The following CELF3 variants were observed in gnomAD, a reference collection of about 807,000 sequenced individuals.
The protein encoded by CELF3 is CAG repeat domain.
In CELF3, 26 loss-of-function variants were observed where a neutral mutation model predicts 59.6. The observed-to-expected ratio is 0.44, with a 90% CI of 0.32 to 0.61. The LOEUF is 0.61. Among genes scored for constraint, CELF3 ranks in the 20% least tolerant of loss-of-function variants. The pLI is 0.06. For synonymous variants in CELF3, 245 were observed against 250.7 expected (o/e 0.98, Z 0.22); for missense variants, 387 against 627.2 (o/e 0.62, Z 4.09).
In CELF3 at chr1:151,709,826, C is replaced by T; in HGVS notation, c.229-35G>A. ...AGAAGAGAAGGCAGCTGCTGGGGAC[C>T]TCCTCTGAACACCCAAGAGCCCTCC... On this transcript the variant is annotated intron_variant, in intron 2 of 12. Transcript: ENST00000290583. The surrounding 1 kb of genome is among the most constrained non-coding windows in gnomAD (Gnocchi z 4.9). The T allele has an allele frequency of 1.2e-6, 2 of 1,608,096 alleles. No individual in the cohort carries two copies. Among genetic ancestry groups the T allele is most frequent in the Non-Finnish European group, 1.7e-6 (2 of 1,174,448 alleles).
intron 12 of CELF3, among the ~76,000 whole-genome samples, chr1:151,704,828 A>T (rs1672378283): frequency 1.3e-5 from 2 of 152,008 alleles, no homozygotes; most frequent in South Asian, 4.2e-4. Flanking sequence ...TGTGAGAGAG[A>T]GAGAGAGAGA....
At chr1:151,711,674 T>C (rs1360050852) in intron 2 of CELF3, among the ~76,000 whole-genome samples, 1 of 152,200 alleles carries the variant, frequency 6.6e-6, no homozygotes, top group Admixed American at 6.5e-5. Flanking sequence ...TTCTCTCCTG[T>C]GCTCTAGCCA....
chr1:151,701,203 G>A lies in CELF3; in HGVS notation c.*2256C>T. 1 of 152,200 alleles carries A rather than the reference G, an allele frequency of 6.6e-6. No individual in the cohort carries two copies. The highest frequency in any genetic ancestry group is 1.9e-4 in the East Asian group (1 of 5,194). 9.4% of individuals were successfully genotyped at this position (152,200 alleles called of 1,614,324 possible). A position where few individuals can be genotyped will look rare whatever the true frequency, so the allele number is the denominator to read the frequency against. On this transcript the variant is annotated 3_prime_UTR_variant, in exon 13 of 13. Coordinates refer to ENST00000290583, the MANE Select transcript of CELF3 (RefSeq NM_007185.7). ...AGGGCTTTGCAGTTGGATTGGGGAG[G>A]AGACATGAGAGAAAGGGTGTAATCC...
chr1:151,707,588 T>A lies in CELF3; in HGVS notation c.691A>T (p.Thr231Ser), dbSNP rs1213464893. 5.6e-6 allele frequency: 9 copies of A among 1,608,988 alleles called. No homozygotes were observed. Among genetic ancestry groups the A allele is most frequent in the Non-Finnish European group, 7.6e-6 (9 of 1,178,762 alleles). The change falls in exon 7 of 13, where the codon ACC becomes TCC. Residue 231 changes from threonine (T) to serine (S), a missense_variant. By Grantham distance (58) the Thr-to-Ser change is moderately conservative (BLOSUM62 1). Around this residue, in one of 3 missense-constraint regions of CELF3, gnomAD observed 208 missense variants for 354.8 expected, o/e 0.59. Coordinates refer to ENST00000290583, the MANE Select transcript of CELF3 (RefSeq NM_007185.7). The part of the protein sequence containing the change: ...AHSAYLSPMA[T>S]MAAVQMQHMA... The stretch of plus-strand genomic sequence containing the variant: ...TGCTGCATCTGCACGGCAGCCATGG[T>A]GGCCATGGGGCTGAGGTAGGCACTG...
Position 151,716,474 on chromosome 1 carries a change from A to C in CELF3, c.-454T>G. On this transcript the variant is annotated 5_prime_UTR_variant, in exon 1 of 13. Coordinates refer to ENST00000290583, the MANE Select transcript of CELF3 (RefSeq NM_007185.7). ...TAAGGGGCCTGCTATGGTTGCCAGC[A>C]GCGTCAGTAAGGGGGGCCCACTCCT... 1 of 307,336 alleles carries C rather than the reference A, an allele frequency of 3.3e-6. No homozygotes were observed. Among genetic ancestry groups the C allele is most frequent in the Non-Finnish European group, 6.5e-6 (1 of 154,324 alleles). 19.0% of individuals were successfully genotyped at this position (307,336 alleles called of 1,614,324 possible). A position where few individuals can be genotyped will look rare whatever the true frequency, so the allele number is the denominator to read the frequency against.
In CELF3 at chr1:151,709,329, C is replaced by T. The variant is rs1454741907; in HGVS notation, c.297G>A (p.Val99=). ...ESRGEDRKLF[V]GMLGKQQTDE... is the part of the protein sequence containing the mutation. ...CTGTCTGCTGCTTCCCTAGCATCCC[C>T]ACAAAGAGCTTCCGGTCTTCTGGGT... The change falls in exon 4 of 13, where the codon GTG becomes GTA. Residue 99 remains valine (V), a synonymous_variant. Transcript: ENST00000290583. The surrounding 1 kb of genome is among the most constrained non-coding windows in gnomAD (Gnocchi z 4.9). The T allele has an allele frequency of 1.2e-6, 2 of 1,614,090 alleles. No individual in the cohort carries two copies. The highest frequency in any genetic ancestry group is 2.2e-5 in the South Asian group (2 of 91,080).
intron 10 of CELF3, 37 bp downstream of exon 10, chr1:151,706,187 C>T (rs754602332): frequency 9.9e-6 from 16 of 1,611,364 alleles, no homozygotes; most frequent in Admixed American, 5.0e-5. Context: ...AAGCCCATAA[C>T]GAGGGCATTC....
chr1:151,709,902 G>C lies in CELF3; in HGVS notation c.229-111C>G. ...GAGGGGCAAGCCCCAGGCCCTCTAA[G>C]TTTCTGATGGGAAGGAAGGGACAGG... is the stretch of plus-strand genomic sequence containing the variant. On this transcript the variant is annotated intron_variant, in intron 2 of 12. Coordinates refer to ENST00000290583, the MANE Select transcript of CELF3 (RefSeq NM_007185.7). The surrounding 1 kb of genome is among the most constrained non-coding windows in gnomAD (Gnocchi z 4.9). 1 of 995,938 alleles carries C rather than the reference G, an allele frequency of 1.0e-6. No individual in the cohort carries two copies. Among genetic ancestry groups the C allele is most frequent in the African/African-American group, 1.6e-5 (1 of 63,000 alleles). The allele number at this position is 995,938 out of a possible 1,614,324, so 61.7% of individuals were successfully genotyped here.
chr1:151,706,033 C>T lies in CELF3; in HGVS notation c.1127-68G>A. 4 of 1,600,486 alleles carry T rather than the reference C, an allele frequency of 2.5e-6. No homozygotes were observed. In the South Asian group the frequency reaches 4.5e-5, roughly 18 times the overall value. ...AGGCACACACCCCAGAAGCAAATGTCCCAGGGAAAGCAGATCCTGGGAGTG... is the reference window on the plus strand; with the variant it reads ...AGGCACACACCCCAGAAGCAAATGTTCCAGGGAAAGCAGATCCTGGGAGTG... On this transcript the variant is annotated intron_variant, in intron 10 of 12. Transcript: ENST00000290583.
intron 8 of CELF3, 50 bp downstream of exon 8, chr1:151,707,095 T>C: frequency 7.0e-7 from 1 of 1,426,298 alleles, no homozygotes; most frequent in African/African-American, 1.5e-5. Flanking sequence ...CTAATGGGAG[T>C]GGTGGTTTAG....
chr1:151,707,671 T>G, intron 6 of CELF3, 23 bp from the exon 7 acceptor site: 1 of 1,598,202 alleles, frequency 6.3e-7, no homozygotes, highest in Non-Finnish European at 8.5e-7. Context: ...GAGAGGAGAG[T>G]GGGGCAGGCC....
Position 151,707,162 on chromosome 1 carries a change from C to A in CELF3, c.905G>T (p.Gly302Val). The A allele has an allele frequency of 6.6e-7, 1 of 1,516,546 alleles. No individual in the cohort carries two copies. The allele number at this position is 1,516,546 out of a possible 1,614,324, so 93.9% of individuals were successfully genotyped here. ...QPAPDALYPN[G>V]VHPYPAQSPA... ...AGTCCCACCTGGGTAGGGGTGAACCCCGTTGGGATACAGAGCATCAGGGGC... is the reference window on the plus strand; with the variant it reads ...AGTCCCACCTGGGTAGGGGTGAACCACGTTGGGATACAGAGCATCAGGGGC... The change falls in exon 8 of 13, where the codon GGG (glycine) becomes GTG (valine). Residue 302 changes from glycine (G) to valine (V), a missense_variant. By Grantham distance (109) the Gly-to-Val change is moderately radical (BLOSUM62 -3). Around this residue, in one of 3 missense-constraint regions of CELF3, gnomAD observed 131 missense variants for 153.7 expected, o/e 0.85. Transcript: ENST00000290583.
chr1:151,706,606 T>G, intron 9 of CELF3, 63 bp downstream of exon 9: 1 of 1,494,188 alleles, frequency 6.7e-7, no homozygotes. Flanking sequence ...ACCCAGTTAC[T>G]GGGCCTCTTT....
At chr1:151,708,053 C>A in intron 5 of CELF3, 118 bp from the exon 6 acceptor site, 1 of 1,174,002 alleles carries the variant, frequency 8.5e-7, no homozygotes, top group Non-Finnish European at 1.2e-6. Context: ...TCTGAGAGGG[C>A]GGCCACCATT....
rs1187886785 is a variant in CELF3, at chr1:151,709,951, G to A, written c.229-160C>T. The A allele has an allele frequency of 2.8e-6, 2 of 715,032 alleles. No individual in the cohort carries two copies. Among genetic ancestry groups the A allele is most frequent in the Non-Finnish European group, 2.5e-6 (1 of 393,200 alleles). 44.3% of individuals were successfully genotyped at this position (715,032 alleles called of 1,614,324 possible). A position where few individuals can be genotyped will look rare whatever the true frequency, so the allele number is the denominator to read the frequency against. On this transcript the variant is annotated intron_variant, in intron 2 of 12. Coordinates refer to ENST00000290583, the MANE Select transcript of CELF3 (RefSeq NM_007185.7). This position sits in a 1 kb window ranked among gnomAD's most constrained non-coding sequence, Gnocchi z 4.9. Reference sequence around the variant, plus strand: ...GGGCCTAATACTGTTCAGGATGAAGGCCTGAGGGGATCAGAGGCACAGAGA... The same window carrying A: ...GGGCCTAATACTGTTCAGGATGAAGACCTGAGGGGATCAGAGGCACAGAGA...
intron 10 of CELF3, 96 bp from the exon 11 acceptor site, chr1:151,706,061 C>G: frequency 1.3e-6 from 2 of 1,587,320 alleles, no homozygotes; most frequent in Non-Finnish European, 1.7e-6. Flanking sequence ...TGGGAGTGCC[C>G]TCCAGTCCCA....
intron 2 of CELF3, among the ~76,000 whole-genome samples, chr1:151,714,026 C>G (rs1193598212): frequency 6.6e-6 from 1 of 152,220 alleles, no homozygotes; most frequent in African/African-American, 2.4e-5. Flanking sequence ...ACCTCCAGCC[C>G]AGACCTGCCC....
chr1:151,713,010 A>G (rs1299460765), intron 2 of CELF3, among the ~76,000 whole-genome samples: 2 of 152,180 alleles, frequency 1.3e-5, no homozygotes, highest in Non-Finnish European at 2.9e-5. Context: ...GGGAAGACAA[A>G]GGGTCACAGA....
At chr1:151,708,105 C>G (rs1467972329) in intron 5 of CELF3, 170 bp from the exon 6 acceptor site, 1 of 687,340 alleles carries the variant, frequency 1.5e-6, no homozygotes, top group Non-Finnish European at 2.4e-6. Flanking sequence ...CACTCTCTCC[C>G]TATGCTAGGA....
Sources: allele counts gnomAD v4.1 joint callset (sites outside exome capture counted in the v4.1 genomes callset), GRCh38; gene constraint gnomAD v4.1.1; regional missense constraint gnomAD v4.1.1; non-coding constraint Gnocchi (gnomAD v3.1); transcripts MANE v1.5; gene names NCBI Gene and HGNC (gene_info 2026-07-23, HGNC 2026-07-21).